Variants in CNBD1 observed in about 807,000 individuals in gnomAD.
CNBD1 encodes the protein cyclic nucleotide-binding domain-containing protein 1.
A neutral mutation model predicts 54.4 loss-of-function variants in CNBD1; 71 were observed. The observed-to-expected ratio is 1.30, with a 90% CI of 1.08 to 1.59. CNBD1 has a LOEUF of 1.59. Among genes scored for constraint, CNBD1 ranks in the 40% most tolerant of loss-of-function variants. The pLI is 0.00. For missense variants in CNBD1, 659 were observed against 518.0 expected, an observed-to-expected ratio of 1.27 and a Z score of -2.64; for synonymous variants, 182 against 170.7, an observed-to-expected ratio of 1.07 and a Z score of -0.51.
rs1347372729 is a variant in CNBD1 at position 87,056,393 on chromosome 8, C to G, written c.431+116639C>G. ...GCCTTACAGTCCCTAGACTTAAATA[C>G]AAGGAATATTAAATGAAAATGTTAA... On this transcript the variant is annotated intron_variant, in intron 4 of 10. Transcript: ENST00000518476. Among the ~76,000 whole-genome samples the G allele has an allele frequency of 2.0e-5, 3 of 152,004 alleles. 1 individual carries two copies. Among genetic ancestry groups the G allele is most frequent in the Admixed American group, 2.0e-4 (3 of 15,250 alleles).
rs576428072 is a variant in CNBD1 at position 87,359,529 on chromosome 8, G to T, written c.1303+5743G>T. 8.6e-5 allele frequency among the ~76,000 whole-genome samples: 13 copies of T among 151,894 alleles called. 1 individual carries two copies. In the South Asian group the frequency reaches 2.7e-3, roughly 32 times the overall value. On this transcript the variant is annotated intron_variant, in intron 10 of 10. Transcript: ENST00000518476. ...AGATAGTTAAATGTACATTTTAAGG[G>T]CTAGATAATTCTAATGAAAAATTAA...
At chr8:87,133,175 T>C (rs1812156165) in intron 4 of CNBD1, among the ~76,000 whole-genome samples, 1 of 152,170 alleles carries the variant, frequency 6.6e-6, no homozygotes, top group Admixed American at 6.5e-5. Context: ...TAAATAGTTT[T>C]TGACAATGGT....
At chr8:87,351,191 G>A (rs938131541) in intron 8 of CNBD1, among the ~76,000 whole-genome samples, 11 of 152,150 alleles carry the variant, frequency 7.2e-5, no homozygotes, top group Non-Finnish European at 1.5e-5. Context: ...TTCAAACTGG[G>A]CCAATGTGGC....
intron 4 of CNBD1, among the ~76,000 whole-genome samples, chr8:87,097,889 C>T (rs1811351353): frequency 6.6e-6 from 1 of 152,132 alleles, no homozygotes; most frequent in Non-Finnish European, 1.5e-5. Context: ...ATAATTCTGA[C>T]TGTTGTGACA....
At chr8:86,948,232 AT>A (rs2130441585) in intron 4 of CNBD1, among the ~76,000 whole-genome samples, 1 of 152,224 alleles carries the variant, frequency 6.6e-6, no homozygotes, top group South Asian at 2.1e-4. Context: ...GGGAATAGAG[AT>A]ATCTCTTCAA....
rs76047216 is a variant in CNBD1, at chr8:87,256,761, G to A, written c.771+19649G>A. ...ATCTTTTCTTGGGAGAAACCATCCT[G>A]GTTAGTTTTCCCTTAAGGTTTACAA... On this transcript the variant is annotated intron_variant, in intron 6 of 10. Transcript: ENST00000518476. Among the ~76,000 whole-genome samples the A allele has an allele frequency of 3.2e-4, 27 of 84,552 alleles. 3 individuals carry two copies. The highest frequency in any genetic ancestry group is 2.1e-3 in the Admixed American group (22 of 10,346). The allele number at this position is 84,552 out of a possible 152,430, so 55.5% of individuals were successfully genotyped here.
intron 1 of CNBD1, among the ~76,000 whole-genome samples, chr8:86,867,672 T>C (rs1808384315): frequency 6.6e-6 from 1 of 152,142 alleles, no homozygotes; most frequent in South Asian, 2.1e-4. Flanking sequence ...TTAAGTGCAA[T>C]TTTGCTGAAG....
In CNBD1 at chr8:87,420,108, T is replaced by C. The variant is rs143474777; in HGVS notation, c.214-8438T>C. On this transcript the variant is annotated intron_variant, in intron 2 of 7. Coordinates refer to the CNBD1 transcript ENST00000521593. ...AAAGTGTTAATATACCTTACCACAT[T>C]TACAGAATAAAAGATAGACATCATT... 3.2e-3 allele frequency among the ~76,000 whole-genome samples: 482 copies of C among 151,862 alleles called. 2 individuals are homozygous for C. Among genetic ancestry groups the C allele is most frequent in the African/African-American group, 0.011 (450 of 41,342 alleles).
chr8:87,308,012 C>A (rs774411063), intron 8 of CNBD1, among the ~76,000 whole-genome samples: 1 of 152,174 alleles, frequency 6.6e-6, no homozygotes, highest in Admixed American at 6.6e-5. Flanking sequence ...GCATTAGCTT[C>A]CTTCTCCAGG....
At position 87,222,969 on chromosome 8, in the gene CNBD1, A is replaced by C. The variant is rs145411855; in HGVS notation, c.578-13950A>C. Among the ~76,000 whole-genome samples the C allele has an allele frequency of 3.5e-4, 53 of 151,788 alleles. No individual in the cohort carries two copies. In the East Asian group the frequency reaches 0.01, roughly 29 times the overall value. On this transcript the variant is annotated intron_variant, in intron 5 of 10. Transcript: ENST00000518476. Reference sequence around the variant, plus strand: ...ATGAAACTTATTCCTAACCAACTTGATTTTGATAAATTACTTTTGCAAAGT... The same window carrying C: ...ATGAAACTTATTCCTAACCAACTTGCTTTTGATAAATTACTTTTGCAAAGT...
chr8:87,088,478 A>G (rs909355147), intron 4 of CNBD1, among the ~76,000 whole-genome samples: 4 of 152,220 alleles, frequency 2.6e-5, no homozygotes, highest in African/African-American at 9.6e-5. Flanking sequence ...ACCACTTTTC[A>G]TAGATATTAC....
intron 4 of CNBD1, among the ~76,000 whole-genome samples, chr8:87,086,237 G>A (rs539120595): frequency 5.3e-5 from 8 of 152,136 alleles, no homozygotes; most frequent in Non-Finnish European, 1.2e-4. Context: ...TTTCTTACTG[G>A]GTTATAAAGC....
chr8:87,418,246 G>A (rs188468502), intron 2 of CNBD1, among the ~76,000 whole-genome samples: 4 of 151,844 alleles, frequency 2.6e-5, no homozygotes, highest in African/African-American at 4.8e-5. Flanking sequence ...CACATTTATG[G>A]TCAATTGATT....
chr8:87,264,096 A>G (rs969683975), intron 6 of CNBD1, among the ~76,000 whole-genome samples: 2 of 152,076 alleles, frequency 1.3e-5, no homozygotes, highest in Non-Finnish European at 2.9e-5. Context: ...TGCTGCACCC[A>G]TTAACTCGTC....
chr8:87,227,933 C>T (rs1328353980), intron 5 of CNBD1, among the ~76,000 whole-genome samples: 2,934 of 143,670 alleles, frequency 0.02, 97 homozygotes, highest in African/African-American at 0.067. Context: ...GGAGGCTTTG[C>T]TCATTTCTTT....
At chr8:87,141,272 T>C (rs1345668860) in intron 4 of CNBD1, among the ~76,000 whole-genome samples, 4 of 152,132 alleles carry the variant, frequency 2.6e-5, no homozygotes. Context: ...TCCAGTGATA[T>C]GATGTAGAAA....
At chr8:86,976,030 G>A (rs746577224) in intron 4 of CNBD1, among the ~76,000 whole-genome samples, 2 of 151,234 alleles carry the variant, frequency 1.3e-5, no homozygotes, top group African/African-American at 4.8e-5. Context: ...TATTTTTTTT[G>A]AAAAATGTCT....
chr8:87,422,357 T>G (rs1231502082), intron 2 of CNBD1, among the ~76,000 whole-genome samples: 3 of 140,356 alleles, frequency 2.1e-5, no homozygotes, highest in African/African-American at 8.6e-5. Context: ...CCCGTGCCTA[T>G]GTCCTGAATG....
At chr8:86,963,334 C>T (rs1475127719) in intron 4 of CNBD1, among the ~76,000 whole-genome samples, 2 of 152,112 alleles carry the variant, frequency 1.3e-5, no homozygotes, top group South Asian at 2.1e-4. Context: ...AAGCAGGAGG[C>T]CTAATTGTCA....
Sources: gnomAD v4.1 joint callset for allele counts (sites outside exome capture counted in the v4.1 genomes callset) on GRCh38, gnomAD v4.1.1 for gene constraint, MANE v1.5 for transcripts, NCBI Gene and HGNC (gene_info 2026-07-23, HGNC 2026-07-21) for gene names.